Variants in CYRIB observed in about 807,000 individuals in gnomAD.
The protein encoded by CYRIB is CYFIP related Rac1 interactor B, also known as CYFIP-related Rac1 interactor B.
Under a neutral mutation model 44.2 loss-of-function variants are expected in CYRIB, and 8 were observed. The ratio of observed to expected loss-of-function variants is 0.18; its 90% CI spans 0.11 to 0.33. The LOEUF (loss-of-function observed/expected upper bound fraction) is 0.33. CYRIB is among the 10% of genes least tolerant of loss of function. The probability of loss-of-function intolerance (pLI) is 1.00; values close to 1 mark genes in which losing one functional copy is unlikely to be tolerated. For synonymous variants in CYRIB, 131 were observed against 127.2 expected (o/e 1.03, Z -0.20); for missense variants, 185 against 382.8 (o/e 0.48, Z 4.31).
chr8:130,011,462 G>A (rs958292446), intron 1 of CYRIB, among the ~76,000 whole-genome samples: 8 of 150,634 alleles, frequency 5.3e-5, no homozygotes, highest in Middle Eastern at 3.5e-3. Context: ...CAGAGGTTGC[G>A]GTGAGCTGAG....
At chr8:130,000,861 C>G (rs1026486064) in intron 1 of CYRIB, among the ~76,000 whole-genome samples, 6 of 151,598 alleles carry the variant, frequency 4.0e-5, no homozygotes, top group African/African-American at 1.5e-4. Flanking sequence ...GAGCAAGACC[C>G]TGTTTCTAAA....
intron 2 of CYRIB, among the ~76,000 whole-genome samples, chr8:129,964,145 G>A (rs982086549): frequency 7.2e-4 from 109 of 152,164 alleles, no homozygotes; most frequent in African/African-American, 2.5e-3. Flanking sequence ...TGAGAAGAAA[G>A]GCCCCTAAAG....
At position 129,952,855 on chromosome 8, in the gene CYRIB, A is replaced by T. The variant is rs946595634; in HGVS notation, c.-243+18088T>A. 7.2e-5 allele frequency among the ~76,000 whole-genome samples: 11 copies of T among 152,336 alleles called. No individual in the cohort carries two copies. In the East Asian group the frequency reaches 1.9e-3, roughly 27 times the overall value. ...TTAATTCCAAGCTAATATCTATTAAACTACTCCTAGGTTGATAGAATTTCC... is the reference window on the plus strand; with the variant it reads ...TTAATTCCAAGCTAATATCTATTAATCTACTCCTAGGTTGATAGAATTTCC... On this transcript the variant is annotated intron_variant, in intron 2 of 14. Coordinates refer to the CYRIB transcript ENST00000401979.
chr8:129,864,837 A>AT, intron 4 of CYRIB: 1 of 434,586 alleles, frequency 2.3e-6, no homozygotes, highest in Admixed American at 2.5e-5. Flanking sequence ...CCACGTACAC[A>AT]TTTTTGAGGT....
At chr8:129,988,156 G>C (rs569158599) in intron 1 of CYRIB, among the ~76,000 whole-genome samples, 1 of 152,308 alleles carries the variant, frequency 6.6e-6, no homozygotes, top group African/African-American at 2.4e-5. Context: ...CCTGTAACAG[G>C]AAGTCTCCTA....
chr8:129,849,494 G>C, intron 9 of CYRIB, 125 bp from the exon 12 acceptor site: 1 of 916,502 alleles, frequency 1.1e-6, no homozygotes, highest in African/African-American at 1.7e-5. Flanking sequence ...GTTGAATGCA[G>C]TATGTTCACA....
intron 1 of CYRIB, among the ~76,000 whole-genome samples, chr8:130,003,118 G>C (rs1043464581): frequency 6.6e-6 from 1 of 152,170 alleles, no homozygotes; most frequent in Non-Finnish European, 1.5e-5. Context: ...AGGTACTCGG[G>C]AGGCTGAGGT....
intron 2 of CYRIB, among the ~76,000 whole-genome samples, chr8:129,888,859 G>A (rs943418207): frequency 2.6e-5 from 4 of 152,122 alleles, no homozygotes; most frequent in African/African-American, 2.4e-5. Context: ...TTGGGAGGCC[G>A]AGGTGGGCGG....
chr8:129,921,707 T>C (rs945987340), intron 1 of CYRIB, among the ~76,000 whole-genome samples: 10 of 152,214 alleles, frequency 6.6e-5, no homozygotes, highest in Non-Finnish European at 1.2e-4. Flanking sequence ...TGTAATGCAA[T>C]GGGATGTATT....
chr8:130,010,873 C>T lies in CYRIB; in HGVS notation c.-296+5497G>A, dbSNP rs1026129675. On this transcript the variant is annotated intron_variant, in intron 1 of 14. Transcript: ENST00000401979. ...AGTATGGTCTACAATCCAGAGGCATCGCATCATGTGCAAAAGTGTTCAAAA... is the reference window on the plus strand; with the variant it reads ...AGTATGGTCTACAATCCAGAGGCATTGCATCATGTGCAAAAGTGTTCAAAA... Among the ~76,000 whole-genome samples, 8 of 152,112 alleles carry T rather than the reference C, an allele frequency of 5.3e-5. No homozygotes were observed. The South Asian group carries it at 6.2e-4, about 12-fold the overall frequency.
Position 129,922,446 on chromosome 8 carries a change from T to C in CYRIB, c.-50+17162A>G, listed in dbSNP as rs2137226281. Reference sequence around the variant, plus strand: ...ATTAAAGACGGTACAGATCAGTTTTTTGAGATATTTAAGAGGTCCCAGGAT... The same window carrying C: ...ATTAAAGACGGTACAGATCAGTTTTCTGAGATATTTAAGAGGTCCCAGGAT... On this transcript the variant is annotated intron_variant, in intron 1 of 11. Transcript: ENST00000519824. Among the ~76,000 whole-genome samples, 2 of 152,340 alleles carry C rather than the reference T, an allele frequency of 1.3e-5. 1 individual carries two copies. Among genetic ancestry groups the C allele is most frequent in the South Asian group, 4.1e-4 (2 of 4,826 alleles).
upstream of CYRIB, among the ~76,000 whole-genome samples, chr8:129,943,573 C>A (rs1337261138): frequency 6.8e-6 from 1 of 147,748 alleles, no homozygotes; most frequent in Admixed American, 6.8e-5. Context: ...CCAGCCTGGG[C>A]AATAGAGTGA....
At chr8:129,890,852 C>T (rs2065057673) in intron 2 of CYRIB, among the ~76,000 whole-genome samples, 1 of 151,404 alleles carries the variant, frequency 6.6e-6, no homozygotes, top group South Asian at 2.1e-4. Flanking sequence ...AAGATTGCAC[C>T]ACTGCACTCT....
At chr8:129,933,472 T>C (rs1414267144) in intron 1 of CYRIB, among the ~76,000 whole-genome samples, 2 of 152,110 alleles carry the variant, frequency 1.3e-5, no homozygotes, top group Admixed American at 6.5e-5. Flanking sequence ...ATTAAGCTAA[T>C]AGGGTCTGGA....
upstream of CYRIB, chr8:130,016,739 C>A: frequency 6.7e-6 from 1 of 149,818 alleles, no homozygotes; most frequent in South Asian, 2.0e-4. Flanking sequence ...GGGACCGCCC[C>A]GCGCCGGCCC....
intron 1 of CYRIB, among the ~76,000 whole-genome samples, chr8:129,908,594 T>C (rs891809099): frequency 6.6e-6 from 1 of 152,118 alleles, no homozygotes; most frequent in Non-Finnish European, 1.5e-5. Flanking sequence ...CTGAACATGG[T>C]CATTACCTTT....
At chr8:129,906,949 G>T (rs934359289) in intron 1 of CYRIB, among the ~76,000 whole-genome samples, 3 of 152,128 alleles carry the variant, frequency 2.0e-5, no homozygotes, top group Non-Finnish European at 4.4e-5. Flanking sequence ...GTCAGGAAAC[G>T]ACAGGTGCTG....
chr8:129,984,824 G>T (rs2096389775), intron 1 of CYRIB, among the ~76,000 whole-genome samples: 1 of 152,070 alleles, frequency 6.6e-6, no homozygotes, highest in South Asian at 2.1e-4. Context: ...GCCCAGGCTG[G>T]AGTGCAATGG....
intron 1 of CYRIB, among the ~76,000 whole-genome samples, chr8:129,933,329 A>G (rs1281444268): frequency 6.6e-6 from 1 of 152,144 alleles, no homozygotes; most frequent in Non-Finnish European, 1.5e-5. Flanking sequence ...CTGATCCCCA[A>G]GATGGACTGA....
Sources: allele counts gnomAD v4.1 joint callset (sites outside exome capture counted in the v4.1 genomes callset), GRCh38; gene constraint gnomAD v4.1.1; transcripts MANE v1.5; gene names NCBI Gene and HGNC (gene_info 2026-07-23, HGNC 2026-07-21).